COL5A1: variants seen among roughly 807,000 people sequenced by gnomAD.
COL5A1 encodes collagen alpha-1(V) chain.
Under a neutral mutation model 263.7 loss-of-function variants are expected in COL5A1, and 16 were observed. The ratio of observed to expected loss-of-function variants is 0.06; its 90% CI spans 0.04 to 0.09. The LOEUF is 0.09. Among genes scored for constraint, COL5A1 ranks in the 10% least tolerant of loss-of-function variants. COL5A1 has a pLI of 1.00. For missense variants in COL5A1, 2,036 were observed against 2,540.5 expected, an observed-to-expected ratio of 0.80 and a Z score of 4.27; for synonymous variants, 1,012 against 1,004.5, an observed-to-expected ratio of 1.01 and a Z score of -0.14.
intron 1 of COL5A1, among the ~76,000 whole-genome samples, chr9:134,655,244 G>T (rs1291865529): frequency 6.6e-6 from 1 of 151,866 alleles, no homozygotes; most frequent in Non-Finnish European, 1.5e-5. Context: ...TGCACTGGGT[G>T]GCCTTGGGCT....
intron 29 of COL5A1, among the ~76,000 whole-genome samples, 181 bp downstream of exon 29, chr9:134,782,901 C>T (rs1837315167): frequency 6.6e-6 from 1 of 152,192 alleles, no homozygotes; most frequent in African/African-American, 2.4e-5. Context: ...CTCTCCAGCT[C>T]CTCTTCACCT....
chr9:134,798,556 C>G (rs1438669338), intron 37 of COL5A1, 95 bp downstream of exon 37: 9 of 1,176,958 alleles, frequency 7.6e-6, no homozygotes, highest in Non-Finnish European at 9.7e-6. Flanking sequence ...ATCTAGGACC[C>G]TCCTGGCCTG....
Position 134,834,978 on chromosome 9 carries a change from A to G in COL5A1, c.5144A>G (p.Tyr1715Cys), listed in dbSNP as rs1409984690. The G allele has an allele frequency of 6.2e-7, 1 of 1,612,584 alleles. No homozygotes were observed. Among genetic ancestry groups the G allele is most frequent in the African/African-American group, 1.3e-5 (1 of 74,794 alleles). ...SEFKRGKLLS[Y>C]VDAEGNPVGV... ...ACACCCCTGTCCCCCCAGCTCTCCT[A>G]TGTGGACGCCGAGGGCAACCCTGTG... Residue 1715 changes from tyrosine (Y) to cysteine (C), a missense_variant, in exon 65 of 66, where the codon TAT (tyrosine) becomes TGT (cysteine). Coordinates refer to ENST00000371817, the MANE Select transcript of COL5A1 (RefSeq NM_000093.5).
At chr9:134,728,530 G>A (rs1033851305) in intron 5 of COL5A1, 140 bp from the exon 6 acceptor site, 6 of 1,157,270 alleles carry the variant, frequency 5.2e-6, no homozygotes, top group East Asian at 2.3e-5. Context: ...AACCCCATCC[G>A]GGGACCCACA....
chr9:134,815,190 C>G (rs111260999), intron 50 of COL5A1, among the ~76,000 whole-genome samples: 6 of 152,344 alleles, frequency 3.9e-5, no homozygotes, highest in Non-Finnish European at 8.8e-5. Flanking sequence ...TGGGAAGTTG[C>G]CCCCGCCCTT....
At chr9:134,817,514 C>A (rs1271575601) in intron 53 of COL5A1, among the ~76,000 whole-genome samples, 5 of 152,200 alleles carry the variant, frequency 3.3e-5, no homozygotes, top group African/African-American at 9.6e-5. Context: ...TGCGCCTCCC[C>A]ACGTGGCCTG....
chr9:134,784,526 C>G (rs1238578167), intron 29 of COL5A1, among the ~76,000 whole-genome samples: 1 of 152,240 alleles, frequency 6.6e-6, no homozygotes, highest in South Asian at 2.1e-4. Flanking sequence ...CCCGTGTGCT[C>G]GTTATGCCCA....
Position 134,688,696 on chromosome 9 carries a change from G to A in COL5A1, c.110-2216G>A, listed in dbSNP as rs1044431716. Reference sequence around the variant, plus strand: ...GGTCCCTGTGCCGCCCCTCCCCTTTGTCACTGTTCCCACGCCGCAGTGGGA... The same window carrying A: ...GGTCCCTGTGCCGCCCCTCCCCTTTATCACTGTTCCCACGCCGCAGTGGGA... On this transcript the variant is annotated intron_variant, in intron 1 of 65. Transcript: ENST00000371817. 1.8e-4 allele frequency among the ~76,000 whole-genome samples: 27 copies of A among 152,178 alleles called. 1 individual carries two copies. The highest frequency in any genetic ancestry group is 2.9e-5 in the Non-Finnish European group (2 of 68,032).
rs574886292 is a variant in COL5A1 at position 134,829,919 on chromosome 9, A to C, written c.5068-57A>C. 73 of 1,564,348 alleles carry C rather than the reference A, an allele frequency of 4.7e-5. No homozygotes were observed. The East Asian group carries it at 1.4e-3, about 31-fold the overall frequency. Reference sequence around the variant, plus strand: ...CCTGGGGCCTTGCTCTGGAGGCCGGAGAAGTAACCCTTTTGTTCTGTTTCT... The same window carrying C: ...CCTGGGGCCTTGCTCTGGAGGCCGGCGAAGTAACCCTTTTGTTCTGTTTCT... On this transcript the variant is annotated intron_variant, in intron 63 of 65. Transcript: ENST00000371817.
At chr9:134,796,225 C>T in intron 34 of COL5A1, 149 bp from the exon 35 acceptor site, 1 of 845,350 alleles carries the variant, frequency 1.2e-6, no homozygotes, top group South Asian at 1.4e-5. Context: ...GCGCCAATGC[C>T]TTCTGCCCCT....
intron 14 of COL5A1, among the ~76,000 whole-genome samples, chr9:134,753,195 A>G (rs12685202): frequency 0.21 from 31,813 of 152,120 alleles, 3,519 homozygotes; most frequent in East Asian, 0.34. Context: ...GTGGGGCAGA[A>G]CGCAGGATTT....
chr9:134,644,522 G>A (rs1276377779), intron 1 of COL5A1, among the ~76,000 whole-genome samples: 1 of 134,860 alleles, frequency 7.4e-6, no homozygotes, highest in Non-Finnish European at 1.6e-5. Context: ...TGGGGGGAGG[G>A]GGCGGCTGTC....
chr9:134,821,959 G>T lies in COL5A1; in HGVS notation c.4555-138G>T, dbSNP rs1839019789. 8 of 780,062 alleles carry T rather than the reference G, an allele frequency of 1.0e-5. 1 individual carries two copies. Among genetic ancestry groups the T allele is most frequent in the African/African-American group, 5.1e-5 (3 of 59,346 alleles). The allele number at this position is 780,062 out of a possible 1,614,324, so 48.3% of individuals were successfully genotyped here. A position where few individuals can be genotyped will look rare whatever the true frequency, so the allele number is the denominator to read the frequency against. ...AGCCCAGGATCAGAAAGCAGCCACAGGAGGCTGCTGAGGGGCCAAAGGGCA... is the reference window on the plus strand; with the variant it reads ...AGCCCAGGATCAGAAAGCAGCCACATGAGGCTGCTGAGGGGCCAAAGGGCA... On this transcript the variant is annotated intron_variant, in intron 58 of 65. Coordinates refer to ENST00000371817, the MANE Select transcript of COL5A1 (RefSeq NM_000093.5). The surrounding 1 kb of genome is among the most constrained non-coding windows in gnomAD (Gnocchi z 4.2).
chr9:134,760,406 T>C (rs1226333118), intron 18 of COL5A1, among the ~76,000 whole-genome samples: 5 of 41,302 alleles, frequency 1.2e-4, no homozygotes, highest in African/African-American at 2.9e-4. Flanking sequence ...ACCCCCACAC[T>C]CATACACACA....
chr9:134,740,433 T>A (rs1025417733), intron 11 of COL5A1, among the ~76,000 whole-genome samples: 1 of 152,088 alleles, frequency 6.6e-6, no homozygotes, highest in Non-Finnish European at 1.5e-5. Flanking sequence ...TGTGGCTGGG[T>A]TCGTATGCAA....
intron 29 of COL5A1, among the ~76,000 whole-genome samples, chr9:134,783,377 T>C (rs1035259476): frequency 2.0e-5 from 3 of 152,088 alleles, no homozygotes; most frequent in Non-Finnish European, 4.4e-5. Flanking sequence ...CCACAGAAAG[T>C]GACGGGCTGC....
intron 38 of COL5A1, among the ~76,000 whole-genome samples, chr9:134,802,662 A>G (rs896986758): frequency 6.6e-6 from 1 of 152,206 alleles, no homozygotes; most frequent in Non-Finnish European, 1.5e-5. Flanking sequence ...GTGGGGGAAG[A>G]GGGCCACGCG....
intron 64 of COL5A1, chr9:134,832,722 A>C (rs1261038813): frequency 1.3e-5 from 2 of 152,224 alleles, no homozygotes; most frequent in Admixed American, 6.5e-5. Flanking sequence ...GTCGGTTGGT[A>C]TTCACTTTTC....
At chr9:134,829,593 T>G (rs1482161720) in intron 63 of COL5A1, among the ~76,000 whole-genome samples, 1 of 131,472 alleles carries the variant, frequency 7.6e-6, no homozygotes. Context: ...GTGGCCTCCC[T>G]AAGGGCCGGG....
Sources: gnomAD v4.1 joint callset for allele counts (sites outside exome capture counted in the v4.1 genomes callset) on GRCh38, gnomAD v4.1.1 for gene constraint, Gnocchi (gnomAD v3.1) non-coding constraint, MANE v1.5 for transcripts, NCBI Gene and HGNC (gene_info 2026-07-23, HGNC 2026-07-21) for gene names.